The following TAF4B variants were observed in gnomAD, a reference collection of about 807,000 sequenced individuals.
The protein encoded by TAF4B is transcription initiation factor TFIID subunit 4B.
In TAF4B, 38 loss-of-function variants were observed where a neutral mutation model predicts 86.4. The observed-to-expected ratio is 0.44, with a 90% CI of 0.34 to 0.58. The LOEUF (loss-of-function observed/expected upper bound fraction) is 0.58, where lower values mean the gene tolerates loss of function less well. Among genes scored for constraint, TAF4B ranks in the 20% least tolerant of loss-of-function variants. TAF4B has a pLI of 0.02. For missense variants in TAF4B, 988 were observed against 1,027.6 expected, an observed-to-expected ratio of 0.96 and a Z score of 0.53; for synonymous variants, 388 against 391.2, an observed-to-expected ratio of 0.99 and a Z score of 0.10.
chr18:26,354,047 C>A (rs1365303880), intron 13 of TAF4B, among the ~76,000 whole-genome samples: 1 of 152,006 alleles, frequency 6.6e-6, no homozygotes, highest in Non-Finnish European at 1.5e-5. Flanking sequence ...AAAATTTTTG[C>A]ACGTGGATGT....
intron 13 of TAF4B, among the ~76,000 whole-genome samples, chr18:26,356,205 C>A (rs2057287920): frequency 6.6e-6 from 1 of 152,092 alleles, no homozygotes; most frequent in African/African-American, 2.4e-5. Context: ...CGAGGGGTTT[C>A]TCTTAAGTCT....
At chr18:26,243,137 C>G (rs2055866567) in intron 1 of TAF4B, among the ~76,000 whole-genome samples, 1 of 152,170 alleles carries the variant, frequency 6.6e-6, no homozygotes, top group African/African-American at 2.4e-5. Context: ...GCCTGCCTTG[C>G]TAGGTTGGGG....
chr18:26,359,166 T>G (rs867388021), intron 14 of TAF4B, among the ~76,000 whole-genome samples: 39 of 152,326 alleles, frequency 2.6e-4, no homozygotes, highest in Admixed American at 2.2e-3. Flanking sequence ...ATTTTCCTCA[T>G]TTCCACAGTC....
chr18:26,262,537 C>T (rs113202750), intron 1 of TAF4B, among the ~76,000 whole-genome samples: 78 of 151,188 alleles, frequency 5.2e-4, no homozygotes, highest in African/African-American at 1.6e-3. Context: ...TGCAGTGACG[C>T]GATCTCGGCT....
chr18:26,258,416 C>G (rs1488071947), intron 1 of TAF4B, among the ~76,000 whole-genome samples: 1 of 152,144 alleles, frequency 6.6e-6, no homozygotes, highest in African/African-American at 2.4e-5. Context: ...CACCCATTTC[C>G]TCTGTGCTTC....
intron 9 of TAF4B, among the ~76,000 whole-genome samples, chr18:26,313,829 C>G (rs541790735): frequency 2.0e-5 from 3 of 152,134 alleles, no homozygotes; most frequent in African/African-American, 7.2e-5. Context: ...CCATGCCTGG[C>G]TAATTTTTTT....
At chr18:26,229,494 C>CTTTTTTTTTTTTTT (rs34261854) in intron 1 of TAF4B, among the ~76,000 whole-genome samples, 5 of 129,372 alleles carry the variant, frequency 3.9e-5, no homozygotes, top group Non-Finnish European at 6.5e-5. Flanking sequence ...TTCTTTCTTT[C>CTTTTTTTTTTTTTT]TTTTTTTTTT....
chr18:26,357,847 A>G, intron 14 of TAF4B, 53 bp downstream of exon 14: 1 of 1,358,790 alleles, frequency 7.4e-7, no homozygotes, highest in South Asian at 1.3e-5. Flanking sequence ...AGCAAGCCAA[A>G]AAGAAGCAAA....
At chr18:26,341,298 A>C (rs1195020049) in intron 13 of TAF4B, among the ~76,000 whole-genome samples, 1 of 152,174 alleles carries the variant, frequency 6.6e-6, no homozygotes, top group Non-Finnish European at 1.5e-5. Context: ...AGTAGTTTAT[A>C]AACACTAACT....
At chr18:26,346,771 ATATG>A (rs1410806367) in intron 13 of TAF4B, among the ~76,000 whole-genome samples, 2 of 21,444 alleles carry the variant, frequency 9.3e-5, no homozygotes, top group Admixed American at 3.4e-4. Flanking sequence ...ATATATATAT[ATATG>A]TGTGTGTATA....
At chr18:26,325,711 A>AT (rs1469307567) in intron 11 of TAF4B, among the ~76,000 whole-genome samples, 1 of 152,220 alleles carries the variant, frequency 6.6e-6, no homozygotes, top group Non-Finnish European at 1.5e-5. Flanking sequence ...AATGGTAAAG[A>AT]TTAAGTATTT....
chr18:26,390,023 C>T lies in TAF4B; in HGVS notation c.*11C>T. On this transcript the variant is annotated 3_prime_UTR_variant, in exon 15 of 15. Transcript: ENST00000269142. ...GCCCTTCTGAAGTGACCACTCCACT[C>T]TTCCATCCAGATCCTTGCTATTTAC... 1 of 1,611,712 alleles carries T rather than the reference C, an allele frequency of 6.2e-7. No individual in the cohort carries two copies. Among genetic ancestry groups the T allele is most frequent in the Non-Finnish European group, 8.5e-7 (1 of 1,178,906 alleles).
At chr18:26,279,546 A>C (rs75393515) in intron 5 of TAF4B, among the ~76,000 whole-genome samples, 1 of 51,858 alleles carries the variant, frequency 1.9e-5, no homozygotes, top group African/African-American at 2.6e-4. Flanking sequence ...AATTAGAAGC[A>C]AAAAAAAAAA....
chr18:26,324,813 T>C (rs975467201), intron 11 of TAF4B, among the ~76,000 whole-genome samples: 2 of 152,368 alleles, frequency 1.3e-5, no homozygotes, highest in Non-Finnish European at 2.9e-5. Flanking sequence ...TAAGTCAAAA[T>C]AATTATCATT....
At chr18:26,371,986 T>A (rs1489026902) in intron 14 of TAF4B, among the ~76,000 whole-genome samples, 1 of 152,134 alleles carries the variant, frequency 6.6e-6, no homozygotes, top group East Asian at 1.9e-4. Flanking sequence ...TGGGGCTCAA[T>A]GTATAGGAAA....
intron 13 of TAF4B, among the ~76,000 whole-genome samples, chr18:26,335,887 CT>C (rs1266586119): frequency 6.6e-6 from 1 of 152,178 alleles, no homozygotes. Context: ...CATTTCCTGA[CT>C]TTTCTAGCCC....
intron 1 of TAF4B, among the ~76,000 whole-genome samples, chr18:26,244,692 C>T (rs1259036182): frequency 6.6e-6 from 1 of 152,114 alleles, no homozygotes; most frequent in African/African-American, 2.4e-5. Context: ...TCCTATTCGG[C>T]CATCTTGGAA....
intron 1 of TAF4B, chr18:26,256,312 A>T: frequency 6.9e-7 from 1 of 1,453,226 alleles, no homozygotes; most frequent in Admixed American, 1.7e-5. Flanking sequence ...CAAATACAGC[A>T]GCCCTCTATA....
chr18:26,315,192 C>CAA lies in TAF4B; in HGVS notation c.1833-36_1833-35dup, dbSNP rs55970559. ...ACACACACACACACACACACACACA[C>CAA]AACCTAAAATGTATAACTTTTTTTT... On this transcript the variant is annotated intron_variant, in intron 9 of 14. Transcript: ENST00000269142. 1.3e-5 allele frequency: 18 copies of CAA among 1,333,540 alleles called. No homozygotes were observed. In the African/African-American group the frequency reaches 2.6e-4, roughly 19 times the overall value. The allele number at this position is 1,333,540 out of a possible 1,614,324, so 82.6% of individuals were successfully genotyped here.
Sources: allele counts gnomAD v4.1 joint callset (sites outside exome capture counted in the v4.1 genomes callset), GRCh38; gene constraint gnomAD v4.1.1; transcripts MANE v1.5; gene names NCBI Gene and HGNC (gene_info 2026-07-23, HGNC 2026-07-21).